RIN2: variants seen among roughly 807,000 people sequenced by gnomAD.
RIN2 encodes RAB5 interacting protein 2.
In RIN2, 36 loss-of-function variants were observed where a neutral mutation model predicts 78.0. That is an observed-to-expected ratio of 0.46 (90% confidence interval 0.35 to 0.61). RIN2 has a LOEUF of 0.61. RIN2 is among the 20% of genes least tolerant of loss of function. The probability of loss-of-function intolerance (pLI) is 0.00; values close to 1 mark genes in which losing one functional copy is unlikely to be tolerated. For missense variants in RIN2, 1,087 were observed against 1,159.7 expected, an observed-to-expected ratio of 0.94 and a Z score of 0.91; for synonymous variants, 466 against 466.8, an observed-to-expected ratio of 1.00 and a Z score of 0.02.
At chr20:19,827,343 T>C (rs2036124107) in intron 2 of RIN2, among the ~76,000 whole-genome samples, 2 of 152,320 alleles carry the variant, frequency 1.3e-5, no homozygotes, top group East Asian at 1.9e-4. Flanking sequence ...TGACATAGCT[T>C]GTCTTGGGAA....
At chr20:19,784,775 C>T (rs546803134) in intron 1 of RIN2, among the ~76,000 whole-genome samples, 5 of 151,912 alleles carry the variant, frequency 3.3e-5, no homozygotes, top group African/African-American at 7.3e-5. Flanking sequence ...GTGCATAGCC[C>T]GGGGTGATGC....
At position 19,812,005 on chromosome 20, in the gene RIN2, A is replaced by G. The variant is rs150734951; in HGVS notation, c.-37+12258A>G. 2.8e-4 allele frequency among the ~76,000 whole-genome samples: 43 copies of G among 152,136 alleles called. 2 individuals carry two copies. The East Asian group carries it at 8.3e-3, about 29-fold the overall frequency. On this transcript the variant is annotated intron_variant, in intron 2 of 12. Transcript: ENST00000255006. The stretch of plus-strand genomic sequence containing the variant: ...TGGTCTTTTGTGCCTGACTACTCCC[A>G]CTCAACATAGTGTTATTAAAGTCAT...
At chr20:19,997,190 G>A (rs2042996332) in intron 12 of RIN2, among the ~76,000 whole-genome samples, 2 of 152,154 alleles carry the variant, frequency 1.3e-5, no homozygotes, top group South Asian at 4.1e-4. Flanking sequence ...CGATGCAATT[G>A]GCCTAGTTTC....
At chr20:19,958,556 G>A (rs1423684233) in intron 5 of RIN2, among the ~76,000 whole-genome samples, 1 of 152,232 alleles carries the variant, frequency 6.6e-6, no homozygotes, top group East Asian at 1.9e-4. Context: ...GAGTAACGTG[G>A]ACCAGGACAG....
At chr20:19,896,264 C>A (rs186738015) in intron 3 of RIN2, among the ~76,000 whole-genome samples, 146 of 152,142 alleles carry the variant, frequency 9.6e-4, no homozygotes, top group African/African-American at 3.4e-3. Flanking sequence ...TCTTGGCTCG[C>A]GGCAGCCTCC....
intron 7 of RIN2, among the ~76,000 whole-genome samples, chr20:19,965,968 C>T (rs892373090): frequency 2.0e-5 from 3 of 152,146 alleles, no homozygotes; most frequent in African/African-American, 7.2e-5. Context: ...GGCTTTCTTT[C>T]TTTCTTTTTT....
At chr20:19,925,192 C>T (rs2040179806) in intron 3 of RIN2, among the ~76,000 whole-genome samples, 1 of 151,960 alleles carries the variant, frequency 6.6e-6, no homozygotes, top group South Asian at 2.1e-4. Flanking sequence ...TAGTGCTTAA[C>T]AGGCTGGGGG....
Position 19,871,442 on chromosome 20 carries a change from C to T in RIN2, c.-36-18124C>T, listed in dbSNP as rs144444165. 3.2e-3 allele frequency among the ~76,000 whole-genome samples: 483 copies of T among 152,258 alleles called. 3 individuals carry two copies. The highest frequency in any genetic ancestry group is 0.011 in the African/African-American group (447 of 41,556). The stretch of plus-strand genomic sequence containing the variant: ...GGTATCTTTGGGAGACAGTATATAT[C>T]GTGCACCTCAGAGATGTCCTACTAA... On this transcript the variant is annotated intron_variant, in intron 2 of 12. Transcript: ENST00000255006.
intron 1 of RIN2, among the ~76,000 whole-genome samples, chr20:19,766,068 G>GT (rs944232550): frequency 6.6e-6 from 1 of 152,156 alleles, no homozygotes; most frequent in African/African-American, 2.4e-5. Context: ...GATGTCTGAA[G>GT]TGACAGTCAG....
chr20:19,951,269 A>G (rs1250649992), intron 4 of RIN2, among the ~76,000 whole-genome samples: 1 of 152,132 alleles, frequency 6.6e-6, no homozygotes, highest in Admixed American at 6.6e-5. Flanking sequence ...TTCACCTCGA[A>G]CCTGTATTAA....
chr20:19,840,410 A>C (rs1041219436), intron 2 of RIN2, among the ~76,000 whole-genome samples: 1 of 152,252 alleles, frequency 6.6e-6, no homozygotes, highest in African/African-American at 2.4e-5. Context: ...GACCGTGAGC[A>C]GGCAACTTGG....
chr20:19,841,386 T>C (rs944108836), intron 2 of RIN2, among the ~76,000 whole-genome samples: 4 of 152,112 alleles, frequency 2.6e-5, no homozygotes, highest in African/African-American at 9.7e-5. Flanking sequence ...ATTAAATCTA[T>C]AACCTCACCT....
chr20:19,946,408 G>A (rs2041089796), intron 4 of RIN2, among the ~76,000 whole-genome samples: 1 of 152,182 alleles, frequency 6.6e-6, no homozygotes, highest in Non-Finnish European at 1.5e-5. Flanking sequence ...ACAGCATGTA[G>A]ATGTATCTAC....
intron 2 of RIN2, among the ~76,000 whole-genome samples, chr20:19,826,738 G>A (rs998795988): frequency 1.3e-5 from 2 of 152,156 alleles, no homozygotes; most frequent in Non-Finnish European, 2.9e-5. Context: ...CAGGCACGGA[G>A]GGAATCTTGG....
chr20:19,920,992 TTTG>T (rs2039894069), intron 3 of RIN2, among the ~76,000 whole-genome samples: 9 of 151,908 alleles, frequency 5.9e-5, no homozygotes, highest in African/African-American at 1.9e-4. Flanking sequence ...TTTTGGGTTG[TTTG>T]TTTGTTTGTT....
intron 2 of RIN2, among the ~76,000 whole-genome samples, chr20:19,830,785 G>A (rs2036228843): frequency 6.6e-6 from 1 of 152,230 alleles, no homozygotes; most frequent in Non-Finnish European, 1.5e-5. Context: ...AGCCCCTGCA[G>A]GGGTACCTTG....
At chr20:19,806,205 G>C (rs191018135) in intron 2 of RIN2, among the ~76,000 whole-genome samples, 98 of 152,304 alleles carry the variant, frequency 6.4e-4, no homozygotes, top group African/African-American at 2.1e-3. Context: ...CTTTATGGTA[G>C]AATGATTTCT....
intron 4 of RIN2, among the ~76,000 whole-genome samples, chr20:19,940,492 T>C (rs2040823483): frequency 6.6e-6 from 1 of 152,206 alleles, no homozygotes; most frequent in Non-Finnish European, 1.5e-5. Context: ...AGTTCTACCA[T>C]GAGCTATTTT....
intron 2 of RIN2, among the ~76,000 whole-genome samples, chr20:19,808,464 C>T (rs975238299): frequency 4.6e-5 from 7 of 152,196 alleles, no homozygotes; most frequent in South Asian, 2.1e-4. Context: ...GGCCTCAGCT[C>T]GGGTCTGCCA....
Sources: allele counts gnomAD v4.1 joint callset (sites outside exome capture counted in the v4.1 genomes callset), GRCh38; gene constraint gnomAD v4.1.1; transcripts MANE v1.5; gene names NCBI Gene and HGNC (gene_info 2026-07-23, HGNC 2026-07-21).